The following FBN1 variants were observed in gnomAD, a reference collection of about 807,000 sequenced individuals.
FBN1 encodes the protein fibrillin 1, also known as fibrillin-1.
Under a neutral mutation model 365.1 loss-of-function variants are expected in FBN1, and 29 were observed. The observed-to-expected ratio is 0.08, with a 90% CI of 0.06 to 0.11. The LOEUF is 0.11. Ranked by LOEUF, FBN1 falls within the 10% of genes least tolerant of loss-of-function variation. FBN1 has a pLI of 1.00. For synonymous variants in FBN1, 1,210 were observed against 1,270.5 expected (o/e 0.95, Z 1.01); for missense variants, 2,476 against 3,703.2 (o/e 0.67, Z 8.60).
At chr15:48,480,817 A>G (rs2043459914) in intron 32 of FBN1, among the ~76,000 whole-genome samples, 1 of 152,204 alleles carries the variant, frequency 6.6e-6, no homozygotes, top group Admixed American at 6.5e-5. Context: ...TTATTCAGTT[A>G]CCTAATTCAA....
chr15:48,524,017 A>G (rs2141340603), intron 9 of FBN1, among the ~76,000 whole-genome samples: 1 of 152,318 alleles, frequency 6.6e-6, no homozygotes, highest in South Asian at 2.1e-4. Context: ...TAGCCTGTCA[A>G]CAGGCTTCTC....
intron 53 of FBN1, among the ~76,000 whole-genome samples, chr15:48,436,062 A>G (rs2043069962): frequency 6.6e-6 from 1 of 152,128 alleles, no homozygotes; most frequent in Non-Finnish European, 1.5e-5. Flanking sequence ...TCATATGCAC[A>G]TATTAGCACT....
At chr15:48,562,524 GA>G (rs1338195213) in intron 6 of FBN1, among the ~76,000 whole-genome samples, 1 of 152,206 alleles carries the variant, frequency 6.6e-6, no homozygotes, top group African/African-American at 2.4e-5. Context: ...TCAGCAAAGG[GA>G]AATGTGAGTG....
At chr15:48,562,354 G>C (rs566435845) in intron 6 of FBN1, among the ~76,000 whole-genome samples, 1 of 152,172 alleles carries the variant, frequency 6.6e-6, no homozygotes. Flanking sequence ...GAAAGAGCAT[G>C]TAACACAGTA....
chr15:48,553,243 C>T (rs1369997033), intron 6 of FBN1, among the ~76,000 whole-genome samples: 2 of 152,126 alleles, frequency 1.3e-5, no homozygotes, highest in African/African-American at 4.8e-5. Context: ...GTAAAGACCA[C>T]CATCCCCTCC....
intron 2 of FBN1, among the ~76,000 whole-genome samples, chr15:48,631,129 T>C (rs1408150905): frequency 6.6e-6 from 1 of 151,970 alleles, no homozygotes; most frequent in Non-Finnish European, 1.5e-5. Context: ...TTAAGACCTC[T>C]CCGAAAGTCA....
Position 48,421,683 on chromosome 15 carries a change from T to A in FBN1, c.7574A>T (p.Asn2525Ile). The change falls in exon 62 of 66, where the codon AAC (asparagine) becomes ATC (isoleucine). Residue 2525 changes from asparagine (N) to isoleucine (I), a missense_variant. Physicochemically the swap from Asn to Ile is moderately radical, Grantham distance 149 (BLOSUM62 -3). This residue lies in a region of FBN1 where 1,780 missense variants were observed against 2,840.8 expected (regional missense o/e 0.63). Transcript: ENST00000316623. ...ATTGATGTCAGAGGTGCATTCATTG[T>A]TATCTATGAGAAGCAGTGGGGGCAA... ...FTQHHTSCIDNNECTSDINLC... is the reference protein window; with the variant it reads ...FTQHHTSCIDINECTSDINLC... 6.2e-7 allele frequency: 1 copy of A among 1,613,620 alleles called. No individual in the cohort carries two copies. Among genetic ancestry groups the A allele is most frequent in the East Asian group, 2.2e-5 (1 of 44,874 alleles).
At chr15:48,491,523 T>C (rs1485882148) in intron 24 of FBN1, among the ~76,000 whole-genome samples, 1 of 152,130 alleles carries the variant, frequency 6.6e-6, no homozygotes, top group Non-Finnish European at 1.5e-5. Context: ...GCTACTTTTT[T>C]TGTATTTTTA....
Position 48,485,395 on chromosome 15 carries a change from G to A in FBN1, c.3691C>T (p.Pro1231Ser). 1.2e-6 allele frequency: 2 copies of A among 1,614,160 alleles called. No homozygotes were observed. The highest frequency in any genetic ancestry group is 1.6e-4 in the Middle Eastern group (1 of 6,062). Residue 1231 changes from proline to serine, a missense_variant, in exon 30 of 66, where the codon CCT (proline) becomes TCT (serine). This residue lies in a region of FBN1 where 1,780 missense variants were observed against 2,840.8 expected (regional missense o/e 0.63). Transcript: ENST00000316623. ...TCACCGGTGCATGATCTCTGGTCAG[G>A]CATTAGTGCAAATCCCGGCTGACAG... ...CSCQPGFALM[P>S]DQRSCTDIDE...
chr15:48,430,641 T>C, intron 56 of FBN1, 30 bp downstream of exon 56: 1 of 1,613,314 alleles, frequency 6.2e-7, no homozygotes, highest in Non-Finnish European at 8.5e-7. Context: ...TCTGATGCAC[T>C]CAAAGCTCCT....
intron 15 of FBN1, among the ~76,000 whole-genome samples, chr15:48,506,354 G>A (rs568114948): frequency 2.0e-5 from 3 of 152,266 alleles, no homozygotes; most frequent in African/African-American, 4.8e-5. Context: ...AAACACCTTC[G>A]TGTTTTACTT....
intron 4 of FBN1, 96 bp downstream of exon 4, chr15:48,610,632 G>T: frequency 2.2e-6 from 2 of 891,256 alleles, no homozygotes; most frequent in South Asian, 1.4e-5. Context: ...GTGAAAAAAT[G>T]TATTGCAGGA....
chr15:48,582,442 G>T (rs1029740618), intron 6 of FBN1, among the ~76,000 whole-genome samples: 8 of 152,150 alleles, frequency 5.3e-5, no homozygotes, highest in Non-Finnish European at 8.8e-5. Context: ...TTTAGATGCA[G>T]TAAGAATTTA....
chr15:48,447,761 T>C (rs1308828674), intron 46 of FBN1, among the ~76,000 whole-genome samples: 2 of 152,164 alleles, frequency 1.3e-5, no homozygotes, highest in Non-Finnish European at 2.9e-5. Flanking sequence ...GACATGAAGA[T>C]AAATGATCTG....
chr15:48,599,668 C>T lies in FBN1; in HGVS notation c.442+471G>A, dbSNP rs533902343. ...ACTGAACACCATGTGATAAGTACTT[C>T]GGTAGCAGAATCTAGATTAGGAAAT... On this transcript the variant is annotated intron_variant, in intron 5 of 65. Coordinates refer to ENST00000316623, the MANE Select transcript of FBN1 (RefSeq NM_000138.5). Among the ~76,000 whole-genome samples, 15 of 152,134 alleles carry T rather than the reference C, an allele frequency of 9.9e-5. No homozygotes were observed. The East Asian group carries it at 2.1e-3, about 22-fold the overall frequency.
chr15:48,469,178 C>G lies in FBN1; in HGVS notation c.4460-644G>C, dbSNP rs528592968. ...TAACTTTGGCACTAGGAAAAATATT[C>G]CAGTCAAGGTAACTGAAGGCAAAAC... On this transcript the variant is annotated intron_variant, in intron 36 of 65. Coordinates refer to ENST00000316623, the MANE Select transcript of FBN1 (RefSeq NM_000138.5). Among the ~76,000 whole-genome samples the G allele has an allele frequency of 3.5e-5, 4 of 115,864 alleles. No homozygotes were observed. The South Asian group carries it at 1.2e-3, about 34-fold the overall frequency. 76.0% of individuals were successfully genotyped at this position (115,864 alleles called of 152,430 possible).
At chr15:48,539,706 T>A (rs912158539) in intron 6 of FBN1, among the ~76,000 whole-genome samples, 1 of 152,076 alleles carries the variant, frequency 6.6e-6, no homozygotes, top group African/African-American at 2.4e-5. Flanking sequence ...AAGACAAGCC[T>A]AAGACCTCTG....
At chr15:48,476,774 CTTTT>C (rs34020705) in intron 32 of FBN1, 23 of 64,600 alleles carry the variant, frequency 3.6e-4, no homozygotes, top group South Asian at 6.0e-4. Flanking sequence ...CCACGCCTGG[CTTTT>C]TTTTTTTTTT....
chr15:48,625,980 G>A (rs961330638), intron 2 of FBN1, among the ~76,000 whole-genome samples: 1 of 152,136 alleles, frequency 6.6e-6, no homozygotes, highest in Admixed American at 6.5e-5. Flanking sequence ...ATAAGTTAAT[G>A]AGAAGTCTAT....
Sources: allele counts gnomAD v4.1 joint callset (sites outside exome capture counted in the v4.1 genomes callset), GRCh38; gene constraint gnomAD v4.1.1; regional missense constraint gnomAD v4.1.1; transcripts MANE v1.5; gene names NCBI Gene and HGNC (gene_info 2026-07-23, HGNC 2026-07-21).